NSUN6: variants seen among roughly 807,000 people sequenced by gnomAD.
NSUN6 encodes the protein NOP2/Sun RNA methyltransferase 6.
In NSUN6, 64 loss-of-function variants were observed where a neutral mutation model predicts 58.0. The ratio of observed to expected loss-of-function variants is 1.10; its 90% CI spans 0.90 to 1.36. The LOEUF is 1.36. NSUN6 is among the 40% of genes most tolerant of loss of function. NSUN6 has a pLI of 0.00. For missense variants in NSUN6, 701 were observed against 550.1 expected (o/e 1.27, Z -2.74); for synonymous variants, 231 against 193.9 (o/e 1.19, Z -1.59).
intron 7 of NSUN6, among the ~76,000 whole-genome samples, chr10:18,592,352 C>G (rs78492763): frequency 6.6e-6 from 1 of 152,024 alleles, no homozygotes; most frequent in African/African-American, 2.4e-5. Flanking sequence ...TCTTTCTTAG[C>G]AGAATTAGAA....
At chr10:18,632,858 G>A (rs566815841) in intron 3 of NSUN6, among the ~76,000 whole-genome samples, 1 of 152,256 alleles carries the variant, frequency 6.6e-6, no homozygotes, top group African/African-American at 2.4e-5. Context: ...TGATTCCTCA[G>A]GGATCTAGAA....
In NSUN6 at chr10:18,633,748, T is replaced by C. The variant is rs1285161060; in HGVS notation, c.311+8728A>G. Among the ~76,000 whole-genome samples the C allele has an allele frequency of 2.0e-5, 3 of 152,308 alleles. No homozygotes were observed. The East Asian group carries it at 5.8e-4, about 29-fold the overall frequency. ...GGCATAACCAGACAATCTGTTGTTT[T>C]CTCTAACAAACCTGGATCAACTATC... On this transcript the variant is annotated intron_variant, in intron 3 of 10. Transcript: ENST00000377304.
chr10:18,645,664 T>C (rs1011856763), intron 2 of NSUN6, among the ~76,000 whole-genome samples: 3 of 152,230 alleles, frequency 2.0e-5, no homozygotes, highest in Admixed American at 1.3e-4. Flanking sequence ...CTTTTGATTA[T>C]TATGAGTAGT....
intron 3 of NSUN6, among the ~76,000 whole-genome samples, chr10:18,619,855 A>G (rs1298854075): frequency 6.6e-6 from 1 of 152,202 alleles, no homozygotes; most frequent in Non-Finnish European, 1.5e-5. Context: ...AGATCTTGAT[A>G]TAAGAAACTA....
intron 3 of NSUN6, among the ~76,000 whole-genome samples, chr10:18,639,233 A>G (rs7097534): frequency 0.81 from 122,511 of 152,148 alleles, 49,460 homozygotes; most frequent in East Asian, 0.98. Flanking sequence ...GGTGGCTCAC[A>G]CCTGTAATCC....
At chr10:18,644,622 G>C (rs1324835502) in intron 2 of NSUN6, among the ~76,000 whole-genome samples, 5 of 151,026 alleles carry the variant, frequency 3.3e-5, no homozygotes, top group Admixed American at 1.3e-4. Flanking sequence ...GGATCACGAG[G>C]TCAGGAGATC....
chr10:18,574,662 T>G (rs1364911557), intron 8 of NSUN6, among the ~76,000 whole-genome samples: 1 of 152,120 alleles, frequency 6.6e-6, no homozygotes, highest in Non-Finnish European at 1.5e-5. Flanking sequence ...CTGTTTGCAC[T>G]CAGCCAAGCC....
intron 3 of NSUN6, among the ~76,000 whole-genome samples, chr10:18,618,149 A>G (rs1393422381): frequency 6.6e-6 from 1 of 152,164 alleles, no homozygotes; most frequent in Non-Finnish European, 1.5e-5. Context: ...TGTTGGACAC[A>G]TATCTCTTTG....
rs116739220 is a variant in NSUN6 at position 18,564,456 on chromosome 10, C to T, written c.923-12485G>A. Among the ~76,000 whole-genome samples the T allele has an allele frequency of 2.7e-3, 395 of 148,852 alleles. 2 individuals are homozygous for T. The highest frequency in any genetic ancestry group is 9.4e-3 in the African/African-American group (383 of 40,754). On this transcript the variant is annotated intron_variant, in intron 8 of 10. Transcript: ENST00000377304. ...CATTCCACTCTCTATTCCATTCATA[C>T]CCATTCTCCATTCCATGCTCAATTT...
intron 3 of NSUN6, among the ~76,000 whole-genome samples, chr10:18,617,025 C>T (rs897816210): frequency 6.6e-6 from 1 of 152,078 alleles, no homozygotes; most frequent in Non-Finnish European, 1.5e-5. Context: ...CCCAAACATT[C>T]TCATTGCTCA....
chr10:18,625,858 T>A (rs2058782405), intron 3 of NSUN6, among the ~76,000 whole-genome samples: 1 of 151,852 alleles, frequency 6.6e-6, no homozygotes, highest in Non-Finnish European at 1.5e-5. Context: ...AACGTACTGT[T>A]AAAAGGAAAA....
chr10:18,609,885 G>A lies in NSUN6; in HGVS notation c.617C>T (p.Pro206Leu), dbSNP rs1339746650. Residue 206 changes from proline to leucine, a missense_variant, in exon 6 of 11, where the codon CCT (proline) becomes CTT (leucine). Coordinates refer to ENST00000377304, the MANE Select transcript of NSUN6 (RefSeq NM_182543.5). ...IRMTEPVYLSPSFDSVLPRYL... is the reference protein window; with the variant it reads ...IRMTEPVYLSLSFDSVLPRYL... Reference sequence around the variant, plus strand: ...ACGGGGCAGTACACTGTCAAATGAAGGGCTGAGATATACTGGTTCTGTCAT... The same window carrying A: ...ACGGGGCAGTACACTGTCAAATGAAAGGCTGAGATATACTGGTTCTGTCAT... 1.9e-6 allele frequency: 3 copies of A among 1,605,826 alleles called. No individual in the cohort carries two copies. Among genetic ancestry groups the A allele is most frequent in the Non-Finnish European group, 2.6e-6 (3 of 1,172,678 alleles).
intron 7 of NSUN6, among the ~76,000 whole-genome samples, chr10:18,594,938 T>A (rs10764603): frequency 6.6e-6 from 1 of 151,816 alleles, no homozygotes; most frequent in Non-Finnish European, 1.5e-5. Flanking sequence ...TGAAAAGCAC[T>A]TGAACAGTTG....
At chr10:18,652,171 T>C (rs1175996531), upstream of NSUN6, 1 of 985,282 alleles carries the variant, frequency 1.0e-6, no homozygotes, top group Non-Finnish European at 1.2e-6. Flanking sequence ...CTGCTACTTG[T>C]ATCATAGTTG....
chr10:18,586,202 C>G, intron 7 of NSUN6, 109 bp from the exon 8 acceptor site: 1 of 802,794 alleles, frequency 1.2e-6, no homozygotes, highest in Non-Finnish European at 1.9e-6. Context: ...TCTTTTCCAC[C>G]ATACTCCCAT....
intron 8 of NSUN6, among the ~76,000 whole-genome samples, chr10:18,559,809 GA>G (rs1042276697): frequency 6.1e-5 from 4 of 65,860 alleles, no homozygotes; most frequent in East Asian, 2.4e-3. Context: ...GAATAGAATG[GA>G]AAAGAGAATG....
At chr10:18,554,118 G>A (rs1051636908) in intron 8 of NSUN6, among the ~76,000 whole-genome samples, 2 of 150,772 alleles carry the variant, frequency 1.3e-5, no homozygotes, top group African/African-American at 4.9e-5. Flanking sequence ...AATGGAGAAG[G>A]GAATAGAATT....
At chr10:18,643,646 A>G (rs1327304164) in intron 2 of NSUN6, among the ~76,000 whole-genome samples, 1 of 152,222 alleles carries the variant, frequency 6.6e-6, no homozygotes. Context: ...GCAATCTGAA[A>G]GATAAATTCC....
intron 5 of NSUN6, among the ~76,000 whole-genome samples, chr10:18,611,079 C>T (rs1163172509): frequency 6.6e-6 from 1 of 151,894 alleles, no homozygotes; most frequent in Admixed American, 6.6e-5. Flanking sequence ...GTAGTCAGTC[C>T]TGGCTACTCG....
Sources: allele counts gnomAD v4.1 joint callset (sites outside exome capture counted in the v4.1 genomes callset), GRCh38; gene constraint gnomAD v4.1.1; transcripts MANE v1.5; gene names NCBI Gene and HGNC (gene_info 2026-07-23, HGNC 2026-07-21).